RFPL1: variants seen among roughly 807,000 people sequenced by gnomAD.
The protein encoded by RFPL1 is ret finger protein like 1, also known as ret finger protein-like 1.
A neutral mutation model predicts 9.6 loss-of-function variants in RFPL1; 6 were observed. The observed-to-expected ratio is 0.62, with a 90% CI of 0.34 to 1.23. RFPL1 has a LOEUF of 1.23. Ranked by LOEUF, RFPL1 falls within the 50% of genes most tolerant of loss-of-function variation. The pLI, the probability that RFPL1 is intolerant of heterozygous loss-of-function variation, is 0.03. For synonymous variants in RFPL1, 145 were observed against 149.4 expected (o/e 0.97, Z 0.22); for missense variants, 352 against 398.4 (o/e 0.88, Z 0.99).
chr22:29,396,073 T>C, the RFPL1 span, among the ~76,000 whole-genome samples: 1 of 151,184 alleles, frequency 6.6e-6, no homozygotes, highest in African/African-American at 2.4e-5. Flanking sequence ...GAAGAGAAGA[T>C]AAGAGAAAAG....
chr22:29,399,603 T>C, the RFPL1 span, among the ~76,000 whole-genome samples: 1 of 152,234 alleles, frequency 6.6e-6, no homozygotes, highest in Admixed American at 6.5e-5. Flanking sequence ...CATTTCAACA[T>C]GTCACCTAAC....
the RFPL1 span, among the ~76,000 whole-genome samples, chr22:29,416,641 G>T: frequency 5.9e-5 from 9 of 152,262 alleles, no homozygotes; most frequent in Admixed American, 1.3e-4. Flanking sequence ...AGGGAAGCAG[G>T]ATGGCTCACG....
At chr22:29,439,248 G>A in intron 1 of RFPL1, 84 bp downstream of exon 1, 1 of 1,519,224 alleles carries the variant, frequency 6.6e-7, no homozygotes, top group Non-Finnish European at 8.9e-7. Context: ...TTCCATATGG[G>A]GATTAGCTGC....
chr22:29,411,437 T>C, the RFPL1 span, among the ~76,000 whole-genome samples: 1 of 152,258 alleles, frequency 6.6e-6, no homozygotes, highest in Non-Finnish European at 1.5e-5. Flanking sequence ...ACCCTTGGGC[T>C]ATGTAGAACA....
At chr22:29,422,661 T>C in the RFPL1 span, among the ~76,000 whole-genome samples, 1 of 152,010 alleles carries the variant, frequency 6.6e-6, no homozygotes, top group Admixed American at 6.6e-5. Flanking sequence ...GAGAATCACT[T>C]GAACCTGGGA....
chr22:29,388,168 A>G, the RFPL1 span, among the ~76,000 whole-genome samples: 1 of 152,240 alleles, frequency 6.6e-6, no homozygotes, highest in Non-Finnish European at 1.5e-5. Flanking sequence ...TCGGGGCCTA[A>G]GTCCTGTCTC....
chr22:29,422,525 C>T, the RFPL1 span, among the ~76,000 whole-genome samples: 1 of 152,148 alleles, frequency 6.6e-6, no homozygotes, highest in African/African-American at 2.4e-5. Context: ...TGCAGTGAGC[C>T]AATATTGGTG....
At chr22:29,420,633 G>GTTTTTT in the RFPL1 span, among the ~76,000 whole-genome samples, 53 of 20,396 alleles carry the variant, frequency 2.6e-3, no homozygotes, top group Admixed American at 3.7e-3. Context: ...ATGGTTTTTT[G>GTTTTTT]CTTTTTTTTT....
the RFPL1 span, among the ~76,000 whole-genome samples, chr22:29,400,292 G>C: frequency 6.6e-6 from 1 of 152,064 alleles, no homozygotes; most frequent in Non-Finnish European, 1.5e-5. Context: ...CACCACGCCC[G>C]GCCTATCAAG....
the RFPL1 span, among the ~76,000 whole-genome samples, chr22:29,407,631 C>A: frequency 6.6e-6 from 1 of 151,794 alleles, no homozygotes; most frequent in Admixed American, 6.6e-5. Context: ...GAGTTTTGGT[C>A]TTCTAAAATA....
the RFPL1 span, among the ~76,000 whole-genome samples, chr22:29,428,656 C>T: frequency 6.6e-6 from 1 of 152,016 alleles, no homozygotes; most frequent in Non-Finnish European, 1.5e-5. Context: ...CTTCTCAGAC[C>T]ACAATGAAAT....
chr22:29,437,953 A>AT (rs3044138), upstream of RFPL1: 94,101 of 262,742 alleles, frequency 0.36, 14,044 homozygotes, highest in African/African-American at 0.51. Context: ...GAAGGATGTG[A>AT]TTTTTTTTTT....
upstream of RFPL1, chr22:29,437,351 G>C (rs987179019): frequency 5.5e-6 from 2 of 361,884 alleles, no homozygotes; most frequent in Admixed American, 9.2e-5. Context: ...TCCAAGCAAA[G>C]CTTGAAGCCT....
the RFPL1 span, among the ~76,000 whole-genome samples, chr22:29,424,110 A>G: frequency 6.6e-6 from 1 of 151,972 alleles, no homozygotes; most frequent in Non-Finnish European, 1.5e-5. Context: ...AACCCGGGAG[A>G]CGGAGGCTGC....
chr22:29,427,325 C>T, the RFPL1 span, among the ~76,000 whole-genome samples: 1 of 152,208 alleles, frequency 6.6e-6, no homozygotes. Flanking sequence ...GGCTGAGCCA[C>T]ATGAGTGAGG....
At chr22:29,412,872 T>G in the RFPL1 span, among the ~76,000 whole-genome samples, 9 of 152,056 alleles carry the variant, frequency 5.9e-5, no homozygotes, top group African/African-American at 2.2e-4. Flanking sequence ...GAGTTGCCCC[T>G]ACCTCTCTGC....
chr22:29,433,787 C>T (rs1206874607), upstream of RFPL1, among the ~76,000 whole-genome samples: 1 of 152,118 alleles, frequency 6.6e-6, no homozygotes, highest in Non-Finnish European at 1.5e-5. Context: ...ATGGTAGCCA[C>T]CAGTGGCTAT....
the RFPL1 span, among the ~76,000 whole-genome samples, chr22:29,391,014 T>C: frequency 6.6e-6 from 1 of 151,352 alleles, no homozygotes; most frequent in Non-Finnish European, 1.5e-5. Context: ...TGGTGGTGGG[T>C]GCCTGTAGTC....
the RFPL1 span, among the ~76,000 whole-genome samples, chr22:29,432,645 A>G: frequency 1.3e-5 from 2 of 152,128 alleles, no homozygotes; most frequent in Non-Finnish European, 2.9e-5. Context: ...AATAAGCCCC[A>G]TTTGGGGTGC....
Sources: allele counts gnomAD v4.1 joint callset (sites outside exome capture counted in the v4.1 genomes callset), GRCh38; gene constraint gnomAD v4.1.1; transcripts MANE v1.5; gene names NCBI Gene and HGNC (gene_info 2026-07-23, HGNC 2026-07-21).